Variants in RANGAP1 observed in about 807,000 individuals in gnomAD.
RANGAP1 encodes Ran GTPase activating protein 1.
A neutral mutation model predicts 63.5 loss-of-function variants in RANGAP1; 38 were observed. The ratio of observed to expected loss-of-function variants is 0.60; its 90% CI spans 0.46 to 0.78. The LOEUF (loss-of-function observed/expected upper bound fraction) is 0.78, where lower values mean the gene tolerates loss of function less well. RANGAP1 is among the 30% of genes least tolerant of loss of function. The probability of loss-of-function intolerance (pLI) is 0.00; values close to 1 mark genes in which losing one functional copy is unlikely to be tolerated. For missense variants in RANGAP1, 630 were observed against 740.3 expected (o/e 0.85, Z 1.73); for synonymous variants, 329 against 310.5 (o/e 1.06, Z -0.63).
the RANGAP1 span, among the ~76,000 whole-genome samples, chr22:41,302,044 G>T: frequency 2.0e-5 from 3 of 152,176 alleles, no homozygotes; most frequent in African/African-American, 7.2e-5. The surrounding 1 kb of genome is among the most constrained non-coding windows in gnomAD (Gnocchi z 5.7). Flanking sequence ...GTGTGGCCGG[G>T]GGCACCTGGC....
the RANGAP1 span, among the ~76,000 whole-genome samples, chr22:41,299,730 A>T: frequency 6.6e-6 from 1 of 152,060 alleles, no homozygotes; most frequent in South Asian, 2.1e-4. Context: ...AAGCCTACCG[A>T]TGCCAGCCTC....
At chr22:41,283,729 G>A (rs1251967717) in intron 1 of RANGAP1, among the ~76,000 whole-genome samples, 3 of 151,844 alleles carry the variant, frequency 2.0e-5, no homozygotes, top group Non-Finnish European at 4.4e-5. Flanking sequence ...CAGAGAGAGA[G>A]GAAAAAAACA....
intron 6 of RANGAP1, among the ~76,000 whole-genome samples, chr22:41,259,053 G>T (rs559124351): frequency 6.6e-6 from 1 of 151,772 alleles, no homozygotes; most frequent in African/African-American, 2.4e-5. Context: ...CCCCAGCCAC[G>T]ATCCAGTGTG....
intron 3 of RANGAP1, among the ~76,000 whole-genome samples, chr22:41,270,063 G>T (rs1448068550): frequency 6.6e-6 from 1 of 151,984 alleles, no homozygotes; most frequent in Admixed American, 6.6e-5. Flanking sequence ...TTGAACTCTC[G>T]ACCTCAGGTG....
rs561001755 is a variant in RANGAP1 at position 41,246,309 on chromosome 22, G to C, written c.*294C>G. On this transcript the variant is annotated 3_prime_UTR_variant, in exon 16 of 16. Coordinates refer to ENST00000356244, the MANE Select transcript of RANGAP1 (RefSeq NM_002883.4). ...CAGCAGAGCGCCCTCAGGTGGAGGT[G>C]AGTTTAATGGCGGAGCAGCTCACAG... The C allele has an allele frequency of 4.0e-5, 11 of 274,452 alleles. No individual in the cohort carries two copies. The South Asian group carries it at 5.7e-4, about 14-fold the overall frequency. The allele number at this position is 274,452 out of a possible 1,614,324, so 17.0% of individuals were successfully genotyped here.
At chr22:41,267,012 C>A (rs1363621507) in intron 4 of RANGAP1, among the ~76,000 whole-genome samples, 1 of 151,906 alleles carries the variant, frequency 6.6e-6, no homozygotes, top group Non-Finnish European at 1.5e-5. Flanking sequence ...TCCCAAGTAG[C>A]TGGGACTACA....
At chr22:41,299,477 C>T in the RANGAP1 span, among the ~76,000 whole-genome samples, 30 of 151,970 alleles carry the variant, frequency 2.0e-4, no homozygotes, top group African/African-American at 6.3e-4. Context: ...CTACGTTAGC[C>T]GTGCTGGTCT....
intron 1 of RANGAP1, among the ~76,000 whole-genome samples, chr22:41,282,768 G>A (rs374465942): frequency 1.3e-5 from 2 of 152,320 alleles, no homozygotes; most frequent in East Asian, 1.9e-4. Context: ...AGACAGGAAC[G>A]TGGAACATCA....
chr22:41,279,890 G>A (rs1180055083), intron 2 of RANGAP1, among the ~76,000 whole-genome samples: 3 of 151,338 alleles, frequency 2.0e-5, no homozygotes, highest in African/African-American at 7.3e-5. Context: ...CTGAGATGAG[G>A]AGTTCGAGAG....
chr22:41,254,983 C>CA (rs5845494), intron 10 of RANGAP1, among the ~76,000 whole-genome samples: 43,785 of 137,886 alleles, frequency 0.32, 7,145 homozygotes, highest in Admixed American at 0.52. Context: ...CACAAAAAAA[C>CA]AAAAAAAAAA....
chr22:41,256,348 C>T (rs1474066707), intron 8 of RANGAP1, 58 bp from the exon 9 acceptor site: 8 of 1,524,280 alleles, frequency 5.2e-6, no homozygotes, highest in Non-Finnish European at 7.2e-6. Context: ...ACACCAGGTT[C>T]TACTCTAAGC....
chr22:41,271,768 T>C (rs1253201723), intron 3 of RANGAP1, among the ~76,000 whole-genome samples: 1 of 151,386 alleles, frequency 6.6e-6, no homozygotes, highest in East Asian at 1.9e-4. Flanking sequence ...GACTCTGGGC[T>C]ACACTTCTCT....
rs539682211 is a variant in RANGAP1, at chr22:41,274,653, C to T, written c.187G>A (p.Val63Met). The T allele has an allele frequency of 2.4e-5, 39 of 1,614,096 alleles. No individual in the cohort carries two copies. The highest frequency in any genetic ancestry group is 3.1e-5 in the Non-Finnish European group (37 of 1,180,042). The stretch of plus-strand genomic sequence containing the variant: ...TTGGCGATGACCCTGGCTGCTTCCA[C>T]GCCCACTGTGTTGCCTTCCAGACGC... ...ALRLEGNTVG[V>M]EAARVIAKAL... is the part of the protein sequence containing the mutation. Residue 63 changes from valine to methionine, a missense_variant, in exon 3 of 16, where the codon GTG (valine) becomes ATG (methionine). Physicochemically the swap from Val to Met is conservative, Grantham distance 21. Coordinates refer to ENST00000356244, the MANE Select transcript of RANGAP1 (RefSeq NM_002883.4).
chr22:41,262,642 G>T (rs1185431916), intron 5 of RANGAP1, among the ~76,000 whole-genome samples: 1 of 152,206 alleles, frequency 6.6e-6, no homozygotes, highest in East Asian at 1.9e-4. Context: ...CTCCACGGTG[G>T]TGATGGTGGA....
At chr22:41,264,221 C>T (rs1035807675) in intron 5 of RANGAP1, among the ~76,000 whole-genome samples, 1 of 152,208 alleles carries the variant, frequency 6.6e-6, no homozygotes, top group African/African-American at 2.4e-5. Context: ...AAGCTCTACA[C>T]TGACCTTGCC....
rs376641102 is a variant in RANGAP1 at position 41,251,101 on chromosome 22, C to T, written c.1389G>A (p.Thr463=). ...CAGAGACCACCTTCTCGGGGTCAGACGTGTCAGTCTGAGGACAAAAGAGAC... is the reference window on the plus strand; with the variant it reads ...CAGAGACCACCTTCTCGGGGTCAGATGTGTCAGTCTGAGGACAAAAGAGAC... ...SSVLIAQQTD[T]SDPEKVVSAF... The change falls in exon 13 of 16, where the codon ACG becomes ACA. Residue 463 remains threonine (T), a synonymous_variant. Transcript: ENST00000356244. The T allele has an allele frequency of 7.4e-6, 12 of 1,613,802 alleles. No homozygotes were observed. The highest frequency in any genetic ancestry group is 6.6e-5 in the South Asian group (6 of 91,074).
At chr22:41,276,826 T>C (rs1021025234) in intron 2 of RANGAP1, among the ~76,000 whole-genome samples, 1 of 151,384 alleles carries the variant, frequency 6.6e-6, no homozygotes, top group African/African-American at 2.4e-5. Flanking sequence ...CTACTAAAAA[T>C]ACAAAAATTA....
upstream of RANGAP1, among the ~76,000 whole-genome samples, chr22:41,288,804 G>C (rs1003619): frequency 0.4 from 60,391 of 151,776 alleles, 12,596 homozygotes; most frequent in Non-Finnish European, 0.45. Flanking sequence ...GTGGGGCTTG[G>C]GGGGAGTTAG....
upstream of RANGAP1, among the ~76,000 whole-genome samples, chr22:41,287,495 G>C (rs1173403226): frequency 6.7e-6 from 1 of 149,572 alleles, no homozygotes; most frequent in Non-Finnish European, 1.5e-5. Flanking sequence ...GTCAAACCCT[G>C]TCTCGACAAA....
Sources: gnomAD v4.1 joint callset for allele counts (sites outside exome capture counted in the v4.1 genomes callset) on GRCh38, gnomAD v4.1.1 for gene constraint, Gnocchi (gnomAD v3.1) non-coding constraint, MANE v1.5 for transcripts, NCBI Gene and HGNC (gene_info 2026-07-23, HGNC 2026-07-21) for gene names.